EVA1C: variants seen among roughly 807,000 people sequenced by gnomAD.
EVA1C encodes eva-1 homolog C, also known as protein eva-1 homolog C.
EVA1C carries 25 observed loss-of-function variants against 45.4 expected under a neutral mutation model. That is an observed-to-expected ratio of 0.55 (90% CI 0.40 to 0.77). The LOEUF is 0.77. Ranked by LOEUF, EVA1C falls within the 30% of genes least tolerant of loss-of-function variation. The probability of loss-of-function intolerance (pLI) is 0.00; values close to 1 mark genes in which losing one functional copy is unlikely to be tolerated. For synonymous variants in EVA1C, 190 were observed against 221.2 expected, an observed-to-expected ratio of 0.86 and a Z score of 1.25; for missense variants, 479 against 554.8, an observed-to-expected ratio of 0.86 and a Z score of 1.37.
chr21:32,467,611 G>A, intron 3 of EVA1C, 85 bp from the exon 4 acceptor site: 2 of 1,379,832 alleles, frequency 1.4e-6, no homozygotes, highest in Non-Finnish European at 1.9e-6. Flanking sequence ...CAGCCCCGGG[G>A]AAATGAGCAA....
At chr21:32,440,598 T>G (rs2035138513) in intron 1 of EVA1C, among the ~76,000 whole-genome samples, 1 of 152,212 alleles carries the variant, frequency 6.6e-6, no homozygotes, top group African/African-American at 2.4e-5. Flanking sequence ...TAAAATTGGT[T>G]GACAGATGTC....
intron 4 of EVA1C, among the ~76,000 whole-genome samples, chr21:32,490,794 C>T (rs1421144128): frequency 6.6e-6 from 1 of 152,204 alleles, no homozygotes; most frequent in African/African-American, 2.4e-5. Context: ...CTTCTCCTTT[C>T]CTCCTGGATA....
At chr21:32,414,948 A>G (rs2033977628) in intron 1 of EVA1C, among the ~76,000 whole-genome samples, 1 of 152,228 alleles carries the variant, frequency 6.6e-6, no homozygotes, top group East Asian at 1.9e-4. Context: ...TTAATTCTAT[A>G]TCATGTGAGG....
intron 3 of EVA1C, among the ~76,000 whole-genome samples, chr21:32,464,966 G>T (rs900525070): frequency 6.6e-6 from 1 of 152,212 alleles, no homozygotes; most frequent in Non-Finnish European, 1.5e-5. Flanking sequence ...TTTCTGCAGG[G>T]ATTAAGGTGG....
chr21:32,434,068 G>C (rs60665902), intron 1 of EVA1C, among the ~76,000 whole-genome samples: 14,846 of 151,974 alleles, frequency 0.098, 2,047 homozygotes, highest in African/African-American at 0.31. Flanking sequence ...GCCGAGGTGG[G>C]TGGATCATTT....
intron 3 of EVA1C, among the ~76,000 whole-genome samples, chr21:32,459,747 A>G (rs537306168): frequency 2.9e-4 from 43 of 148,610 alleles, no homozygotes; most frequent in African/African-American, 1.0e-3. Context: ...AGGCTGAGGC[A>G]GGAGAATCGT....
chr21:32,447,517 T>C (rs954577984), intron 1 of EVA1C, among the ~76,000 whole-genome samples: 1 of 145,890 alleles, frequency 6.9e-6, no homozygotes, highest in Non-Finnish European at 1.5e-5. Flanking sequence ...CATCAGTTCT[T>C]ACAGCTATGT....
chr21:32,430,458 G>T (rs2034654801), intron 1 of EVA1C, among the ~76,000 whole-genome samples: 1 of 152,140 alleles, frequency 6.6e-6, no homozygotes, highest in African/African-American at 2.4e-5. Flanking sequence ...CCATTTTGGG[G>T]TCCGGGGATG....
chr21:32,476,848 C>T (rs78837460), intron 4 of EVA1C, among the ~76,000 whole-genome samples: 1 of 152,208 alleles, frequency 6.6e-6, no homozygotes, highest in Non-Finnish European at 1.5e-5. Flanking sequence ...AGGGTCCCCC[C>T]ATCTGCGTCA....
chr21:32,503,836 G>A (rs745481874), intron 6 of EVA1C, 90 bp from the exon 7 acceptor site: 92 of 755,352 alleles, frequency 1.2e-4, no homozygotes, highest in Middle Eastern at 4.0e-4. Context: ...TTATTCCGGC[G>A]GTCCCTGGGG....
At chr21:32,412,046 A>G (rs2033841293), upstream of EVA1C, 1 of 152,182 alleles carries the variant, frequency 6.6e-6, no homozygotes, top group Admixed American at 6.5e-5. Flanking sequence ...GACAACCAGC[A>G]CCCAAAGGAA....
At chr21:32,439,128 T>C (rs187812708) in intron 1 of EVA1C, among the ~76,000 whole-genome samples, 318 of 150,884 alleles carry the variant, frequency 2.1e-3, no homozygotes, top group Non-Finnish European at 3.8e-3. Flanking sequence ...TAATCCCAGC[T>C]ACTCGGGAGG....
intron 1 of EVA1C, among the ~76,000 whole-genome samples, chr21:32,415,131 C>T (rs887614487): frequency 6.6e-5 from 10 of 152,190 alleles, no homozygotes; most frequent in Non-Finnish European, 1.3e-4. Flanking sequence ...GGCCTCAAAG[C>T]TTGCCGCCTG....
At chr21:32,461,166 G>T (rs2035983865) in intron 3 of EVA1C, among the ~76,000 whole-genome samples, 1 of 152,248 alleles carries the variant, frequency 6.6e-6, no homozygotes, top group African/African-American at 2.4e-5. Flanking sequence ...GAAGCCTGTG[G>T]CTGCGGGTTG....
chr21:32,497,285 C>G (rs1168518534), intron 5 of EVA1C: 2 of 702,578 alleles, frequency 2.8e-6, no homozygotes, highest in Non-Finnish European at 5.1e-6. Context: ...TCAAAGAAAA[C>G]AAATCTCCAG....
chr21:32,426,432 T>G (rs1168610046), intron 1 of EVA1C, among the ~76,000 whole-genome samples: 1 of 151,712 alleles, frequency 6.6e-6, no homozygotes, highest in African/African-American at 2.4e-5. Flanking sequence ...GAGATTTTTT[T>G]TTTTTGGCAT....
chr21:32,433,351 G>T (rs1482942792), intron 1 of EVA1C: 1 of 152,308 alleles, frequency 6.6e-6, no homozygotes, highest in Admixed American at 6.5e-5. Context: ...GTTCACCTGG[G>T]ATCTCAGGCC....
rs1422237569 is a variant in EVA1C, at chr21:32,515,004, C to T, written c.1140C>T (p.Asp380=). Residue 380 remains aspartate (D), a synonymous_variant, in exon 8 of 8, where the codon GAC becomes GAT. Transcript: ENST00000300255. The stretch of plus-strand genomic sequence containing the variant: ...GCGAGGATGAAGAAGAGGAGGAGGA[C>T]CCCTCTGAGTCTGATTTCCCAGGGG... ...EDSEDEEEEE[D]PSESDFPGEL... is the part of the protein sequence containing the mutation. 6.2e-7 allele frequency: 1 copy of T among 1,614,054 alleles called. No homozygotes were observed. The highest frequency in any genetic ancestry group is 1.1e-5 in the South Asian group (1 of 91,072).
chr21:32,460,870 T>C (rs956482939), intron 3 of EVA1C, among the ~76,000 whole-genome samples: 2 of 152,052 alleles, frequency 1.3e-5, no homozygotes, highest in African/African-American at 4.8e-5. Flanking sequence ...CTCAGCCTCC[T>C]GAGTAACTGG....
Sources: allele counts gnomAD v4.1 joint callset (sites outside exome capture counted in the v4.1 genomes callset), GRCh38; gene constraint gnomAD v4.1.1; transcripts MANE v1.5; gene names NCBI Gene and HGNC (gene_info 2026-07-23, HGNC 2026-07-21).